The following DLC1 variants were observed in gnomAD, a reference collection of about 807,000 sequenced individuals.
The protein encoded by DLC1 is rho GTPase-activating protein 7.
A neutral mutation model predicts 140.3 loss-of-function variants in DLC1; 54 were observed. The observed-to-expected ratio is 0.38, with a 90% CI of 0.31 to 0.48. The LOEUF is 0.48. Ranked by LOEUF, DLC1 falls within the 20% of genes least tolerant of loss-of-function variation. The pLI, the probability that DLC1 is intolerant of heterozygous loss-of-function variation, is 0.96. For synonymous variants in DLC1, 986 were observed against 728.1 expected (o/e 1.35, Z -5.70); for missense variants, 2,536 against 1,907.0 (o/e 1.33, Z -6.14).
intron 5 of DLC1, among the ~76,000 whole-genome samples, chr8:13,266,392 T>G (rs758364360): frequency 5.3e-5 from 8 of 152,174 alleles, no homozygotes; most frequent in Non-Finnish European, 7.4e-5. Context: ...GAAAAAGGCC[T>G]AGTTTCTCCC....
In DLC1 at chr8:13,100,719, A is replaced by G; in HGVS notation, c.1618T>C (p.Phe540Leu). 3 of 1,606,058 alleles carry G rather than the reference A, an allele frequency of 1.9e-6. No homozygotes were observed. The highest frequency in any genetic ancestry group is 2.5e-6 in the Non-Finnish European group (3 of 1,176,532). The change falls in exon 9 of 18, where the codon TTC becomes CTC. Residue 540 changes from phenylalanine (F) to leucine (L), a missense_variant. Phe to Leu is a conservative substitution (Grantham distance 22, BLOSUM62 0). Transcript: ENST00000276297. ...GACCACCTCTTGCTGTCCCTTTGGA[A>G]AGTCCATTTGCCACTGATGGCACAA... Reference protein sequence around the residue: ...EPCAISGKWTFQRDSKRWSRL... With the variant: ...EPCAISGKWTLQRDSKRWSRL...
chr8:13,415,621 G>T (rs289592), intron 2 of DLC1, among the ~76,000 whole-genome samples: 3 of 151,820 alleles, frequency 2.0e-5, no homozygotes, highest in Non-Finnish European at 4.4e-5. Flanking sequence ...GGATGGTCTC[G>T]ATCACCTGAC....
intron 4 of DLC1, among the ~76,000 whole-genome samples, chr8:13,315,687 C>A (rs185077342): frequency 1.3e-5 from 2 of 152,122 alleles, no homozygotes; most frequent in African/African-American, 4.8e-5. Flanking sequence ...TGTTAATTTC[C>A]ATTTGCTGCC....
At chr8:13,471,885 C>G (rs906408596) in intron 2 of DLC1, among the ~76,000 whole-genome samples, 2 of 152,190 alleles carry the variant, frequency 1.3e-5, no homozygotes, top group Admixed American at 6.5e-5. Flanking sequence ...CTGGGCTCTT[C>G]CCCAGAAGGA....
chr8:13,256,431 T>C (rs1402165892), intron 5 of DLC1, among the ~76,000 whole-genome samples: 3 of 152,198 alleles, frequency 2.0e-5, no homozygotes, highest in Non-Finnish European at 4.4e-5. Flanking sequence ...CGTATGTTTA[T>C]TGCAACACTA....
intron 2 of DLC1, among the ~76,000 whole-genome samples, chr8:13,481,577 GTA>G (rs770737867): frequency 2.6e-5 from 4 of 152,220 alleles, no homozygotes; most frequent in African/African-American, 4.8e-5. Flanking sequence ...CTTTGAGCAA[GTA>G]TGAGAATACC....
intron 2 of DLC1, among the ~76,000 whole-genome samples, chr8:13,442,632 A>C (rs1188303962): frequency 6.6e-6 from 1 of 152,252 alleles, no homozygotes; most frequent in Admixed American, 6.5e-5. Flanking sequence ...CATCAGAGAA[A>C]TGCAAATCAA....
At chr8:13,361,483 C>T (rs186093472) in intron 4 of DLC1, among the ~76,000 whole-genome samples, 22 of 152,008 alleles carry the variant, frequency 1.4e-4, no homozygotes, top group African/African-American at 4.8e-4. Flanking sequence ...TCAGGCTGGT[C>T]TTGCATTGCT....
intron 4 of DLC1, among the ~76,000 whole-genome samples, chr8:13,388,617 A>G (rs1287239557): frequency 3.3e-5 from 5 of 152,074 alleles, no homozygotes; most frequent in African/African-American, 1.2e-4. Flanking sequence ...TTTGAAAATA[A>G]CATCAAAATA....
chr8:13,561,122 CTTT>C, intron 1 of DLC1, among the ~76,000 whole-genome samples: 1 of 146,098 alleles, frequency 6.8e-6, no homozygotes, highest in Admixed American at 6.8e-5. Flanking sequence ...AGTGTTTTTC[CTTT>C]TTTTTTTTTT....
Position 13,099,959 on chromosome 8 carries a change from T to C in DLC1, c.2378A>G (p.Gln793Arg), listed in dbSNP as rs373770104. Residue 793 changes from glutamine (Q) to arginine (R), a missense_variant, in exon 9 of 18, where the codon CAG becomes CGG. By Grantham distance (43) the Gln-to-Arg change is conservative (BLOSUM62 1). Transcript: ENST00000276297. ...NQSTFNNVVE[Q>R]NFKNRESYPE... ...GTAGCTCTCGCGGTTCTTAAAGTTC[T>C]GCTCCACCACGTTGTTAAATGTTGA... is the stretch of plus-strand genomic sequence containing the variant. 3 of 1,613,122 alleles carry C rather than the reference T, an allele frequency of 1.9e-6. No individual in the cohort carries two copies. In the African/African-American group the frequency reaches 4.0e-5, roughly 22 times the overall value.
chr8:13,308,537 G>A (rs1169566225), intron 4 of DLC1, among the ~76,000 whole-genome samples: 3 of 152,112 alleles, frequency 2.0e-5, no homozygotes, highest in Non-Finnish European at 4.4e-5. Context: ...AATGGCATTA[G>A]AAACAATTGA....
intron 2 of DLC1, among the ~76,000 whole-genome samples, chr8:13,452,194 T>A (rs914446431): frequency 2.0e-5 from 3 of 150,598 alleles, no homozygotes; most frequent in Non-Finnish European, 4.4e-5. Context: ...TAAATAAAAA[T>A]TATTTTATAA....
chr8:13,328,366 G>C (rs955003744), intron 4 of DLC1, among the ~76,000 whole-genome samples: 1 of 152,142 alleles, frequency 6.6e-6, no homozygotes, highest in African/African-American at 2.4e-5. Context: ...ATATTTTGGA[G>C]AGAGAGGTGT....
intron 5 of DLC1, among the ~76,000 whole-genome samples, chr8:13,251,773 C>G (rs1288049708): frequency 6.6e-6 from 1 of 152,144 alleles, no homozygotes; most frequent in African/African-American, 2.4e-5. Context: ...AATCCCATAT[C>G]TTTCCCTAAT....
chr8:13,383,810 GC>G (rs1454697151), intron 4 of DLC1, among the ~76,000 whole-genome samples: 1 of 152,164 alleles, frequency 6.6e-6, no homozygotes, highest in Non-Finnish European at 1.5e-5. Context: ...CAATATTTCA[GC>G]CACACGAATA....
At chr8:13,593,639 G>C (rs1231798401) in intron 1 of DLC1, among the ~76,000 whole-genome samples, 1 of 152,042 alleles carries the variant, frequency 6.6e-6, no homozygotes, top group South Asian at 2.1e-4. Flanking sequence ...TTCATTATTA[G>C]AGTGCAATGG....
chr8:13,390,629 A>C (rs1198740198), intron 4 of DLC1, among the ~76,000 whole-genome samples: 1 of 152,190 alleles, frequency 6.6e-6, no homozygotes, highest in African/African-American at 2.4e-5. Flanking sequence ...GCAGCAAACC[A>C]CCATGGCACA....
At chr8:13,563,578 A>G (rs1485515726) in intron 1 of DLC1, among the ~76,000 whole-genome samples, 1 of 152,182 alleles carries the variant, frequency 6.6e-6, no homozygotes, top group African/African-American at 2.4e-5. Context: ...AACCTTGCAC[A>G]GTGACACTTG....
Sources: gnomAD v4.1 joint callset for allele counts (sites outside exome capture counted in the v4.1 genomes callset) on GRCh38, gnomAD v4.1.1 for gene constraint, MANE v1.5 for transcripts, NCBI Gene and HGNC (gene_info 2026-07-23, HGNC 2026-07-21) for gene names.